AKNA: variants seen among roughly 807,000 people sequenced by gnomAD.
AKNA encodes AT-hook transcription factor.
A neutral mutation model predicts 138.8 loss-of-function variants in AKNA; 67 were observed. That is an observed-to-expected ratio of 0.48 (90% CI 0.40 to 0.59). The LOEUF is 0.59. AKNA is among the 20% of genes least tolerant of loss of function. The pLI is 0.00. For synonymous variants in AKNA, 737 were observed against 754.4 expected, an observed-to-expected ratio of 0.98 and a Z score of 0.38; for missense variants, 1,813 against 1,880.4, an observed-to-expected ratio of 0.96 and a Z score of 0.66.
At chr9:114,386,961 C>T (rs577614954) in intron 1 of AKNA, among the ~76,000 whole-genome samples, 1 of 152,154 alleles carries the variant, frequency 6.6e-6, no homozygotes, top group South Asian at 2.1e-4. Context: ...CCTGCTTCTA[C>T]CCCCACCCAC....
chr9:114,397,605 A>T (rs1458918997), upstream of AKNA, among the ~76,000 whole-genome samples: 3 of 152,102 alleles, frequency 2.0e-5, no homozygotes, highest in Non-Finnish European at 4.4e-5. Flanking sequence ...CCGGGAAAGG[A>T]GCTTTGGAAG....
chr9:114,375,361 T>C (rs2132038753), intron 3 of AKNA, among the ~76,000 whole-genome samples: 1 of 151,554 alleles, frequency 6.6e-6, no homozygotes, highest in South Asian at 2.1e-4. Flanking sequence ...AAAAAGTAAA[T>C]GCAAGAAAGA....
intron 15 of AKNA, chr9:114,348,922 G>A (rs1157468087): frequency 2.2e-6 from 1 of 456,302 alleles, no homozygotes; most frequent in Non-Finnish European, 4.4e-6. Flanking sequence ...AGTATCCCCT[G>A]GTGCCGCCTC....
At position 114,368,541 on chromosome 9, in the gene AKNA, C is replaced by T. The variant is rs1454030554; in HGVS notation, c.1471G>A (p.Val491Met). ...QPNHSIHTGM[V>M]PQGTKVLSFT... ...GACAAGACCTTGGTCCCCTGGGGCACCATTCCCGTGTGGATGCTGTGGTTG... is the reference window on the plus strand; with the variant it reads ...GACAAGACCTTGGTCCCCTGGGGCATCATTCCCGTGTGGATGCTGTGGTTG... The change falls in exon 5 of 22, where the codon GTG becomes ATG. Residue 491 changes from valine to methionine, a missense_variant. By Grantham distance (21) the Val-to-Met change is conservative (BLOSUM62 1). Coordinates refer to ENST00000374088, the MANE Select transcript of AKNA (RefSeq NM_001317950.2). 3.6e-6 allele frequency: 5 copies of T among 1,390,038 alleles called. No homozygotes were observed. Among genetic ancestry groups the T allele is most frequent in the Non-Finnish European group, 4.7e-6 (5 of 1,065,164 alleles). 86.1% of individuals were successfully genotyped at this position (1,390,038 alleles called of 1,614,324 possible). A position where few individuals can be genotyped will look rare whatever the true frequency, so the allele number is the denominator to read the frequency against.
At position 114,336,966 on chromosome 9, in the gene AKNA, T is replaced by G; in HGVS notation, c.*88A>C. The G allele has an allele frequency of 7.0e-7, 1 of 1,420,304 alleles. No homozygotes were observed. Among genetic ancestry groups the G allele is most frequent in the Non-Finnish European group, 9.3e-7 (1 of 1,080,498 alleles). The allele number at this position is 1,420,304 out of a possible 1,614,324, so 88.0% of individuals were successfully genotyped here. A position where few individuals can be genotyped will look rare whatever the true frequency, so the allele number is the denominator to read the frequency against. ...TCCTGGTGAGGAACTATGCGGGCCT[T>G]CTGGGCCTCAGCAGCTCCAGCCCAC... On this transcript the variant is annotated 3_prime_UTR_variant, in exon 22 of 22. Coordinates refer to ENST00000374088, the MANE Select transcript of AKNA (RefSeq NM_001317950.2).
rs371041163 is a variant in AKNA at position 114,377,446 on chromosome 9, T to A, written c.361A>T (p.Thr121Ser). Residue 121 changes from threonine to serine, a missense_variant, in exon 3 of 22, where the codon ACT (threonine) becomes TCT (serine). Coordinates refer to ENST00000374088, the MANE Select transcript of AKNA (RefSeq NM_001317950.2). ...LPQQGRQLDM[T>S]EEEPDGTLGS... is the part of the protein sequence containing the mutation. The stretch of plus-strand genomic sequence containing the variant: ...AGGGTCCCATCTGGCTCCTCTTCAG[T>A]CATGTCCAGCTGACGGCCCTGCTGG... The A allele has an allele frequency of 8.7e-6, 14 of 1,613,460 alleles. No individual in the cohort carries two copies. The African/African-American group carries it at 1.5e-4, about 17-fold the overall frequency.
intron 4 of AKNA, among the ~76,000 whole-genome samples, chr9:114,369,435 C>T (rs1477107206): frequency 1.3e-5 from 2 of 152,224 alleles, no homozygotes; most frequent in African/African-American, 4.8e-5. Context: ...CAAAGCCAAA[C>T]ATTGTCACAA....
intron 1 of AKNA, chr9:114,394,343 G>A (rs904700095): frequency 8.6e-5 from 13 of 151,986 alleles, no homozygotes; most frequent in Non-Finnish European, 1.8e-4. Context: ...CAAAACAAAC[G>A]AATACCACCT....
At chr9:114,387,827 C>A in intron 1 of AKNA, 33 bp downstream of exon 1, 1 of 430,826 alleles carries the variant, frequency 2.3e-6, no homozygotes, top group South Asian at 1.6e-5. Flanking sequence ...AGGAAAGCGG[C>A]CTCCCGGGCC....
intron 4 of AKNA, among the ~76,000 whole-genome samples, chr9:114,372,897 A>G (rs1832874902): frequency 7.1e-6 from 1 of 139,944 alleles, no homozygotes. Flanking sequence ...CCTCTTTTAC[A>G]GATGTGCCCG....
In AKNA at chr9:114,336,807, G is replaced by C. The variant is rs1394347139; in HGVS notation, c.*247C>G. Reference sequence around the variant, plus strand: ...CTGAGGTTCTGCCTGGACCGAAGGAGGCCTCGCTCACAGCACCTCTGTGAG... The same window carrying C: ...CTGAGGTTCTGCCTGGACCGAAGGACGCCTCGCTCACAGCACCTCTGTGAG... On this transcript the variant is annotated 3_prime_UTR_variant, in exon 22 of 22. Transcript: ENST00000374088. 1 of 427,416 alleles carries C rather than the reference G, an allele frequency of 2.3e-6. No homozygotes were observed. The highest frequency in any genetic ancestry group is 2.0e-5 in the African/African-American group (1 of 49,600). 26.5% of individuals were successfully genotyped at this position (427,416 alleles called of 1,614,324 possible). A position where few individuals can be genotyped will look rare whatever the true frequency, so the allele number is the denominator to read the frequency against.
chr9:114,391,470 T>C (rs1365276660), upstream of AKNA, among the ~76,000 whole-genome samples: 2 of 152,268 alleles, frequency 1.3e-5, no homozygotes, highest in Non-Finnish European at 2.9e-5. Context: ...TATTATTCCA[T>C]TGTATAGGTG....
chr9:114,352,736 C>T (rs1334441328), intron 14 of AKNA, among the ~76,000 whole-genome samples: 2 of 152,086 alleles, frequency 1.3e-5, no homozygotes, highest in African/African-American at 4.8e-5. Context: ...GCCTGACCAA[C>T]ATGGTGAAAC....
In AKNA at chr9:114,376,809, C is replaced by G; in HGVS notation, c.998G>C (p.Arg333Thr). The change falls in exon 3 of 22, where the codon AGA becomes ACA. Residue 333 changes from arginine (R) to threonine (T), a missense_variant. Coordinates refer to ENST00000374088, the MANE Select transcript of AKNA (RefSeq NM_001317950.2). ...RPTRQGRPLP[R>T]QGATLAGRSS... is the part of the protein sequence containing the mutation. ...GCGGCCAGCCAGAGTGGCTCCCTGT[C>G]TGGGCAGCGGCCTGCCCTGCCGCGT... The G allele has an allele frequency of 6.2e-7, 1 of 1,611,952 alleles. No individual in the cohort carries two copies. Among genetic ancestry groups the G allele is most frequent in the Non-Finnish European group, 8.5e-7 (1 of 1,178,824 alleles).
chr9:114,333,848 T>G (rs1829904064), downstream of AKNA, among the ~76,000 whole-genome samples: 1 of 150,808 alleles, frequency 6.6e-6, no homozygotes, highest in Admixed American at 6.6e-5. Context: ...TTTGGCTCTG[T>G]GTCCCCACCC....
chr9:114,373,552 C>T (rs531834344), intron 4 of AKNA, among the ~76,000 whole-genome samples: 14 of 152,206 alleles, frequency 9.2e-5, no homozygotes, highest in African/African-American at 2.6e-4. Flanking sequence ...GGTGGTCTTA[C>T]TCCAGAACCC....
chr9:114,344,025 G>C (rs1331969361), intron 18 of AKNA: 2 of 475,088 alleles, frequency 4.2e-6, no homozygotes, highest in Non-Finnish European at 7.5e-6. Context: ...GAACATCTTT[G>C]TGTCTGTTTA....
chr9:114,358,316 G>T (rs1831659798), intron 11 of AKNA, 149 bp from the exon 12 acceptor site: 4 of 1,083,734 alleles, frequency 3.7e-6, no homozygotes, highest in African/African-American at 3.2e-5. Context: ...CCTTCTAGCT[G>T]TGTGACCTAG....
At chr9:114,347,941 G>A (rs1392702527) in intron 15 of AKNA, 41 bp from the exon 16 acceptor site, 1 of 1,542,164 alleles carries the variant, frequency 6.5e-7, no homozygotes, top group Non-Finnish European at 8.7e-7. Flanking sequence ...ACAGAGGCAT[G>A]AGGAACAGAG....
Sources: gnomAD v4.1 joint callset for allele counts (sites outside exome capture counted in the v4.1 genomes callset) on GRCh38, gnomAD v4.1.1 for gene constraint, MANE v1.5 for transcripts, NCBI Gene and HGNC (gene_info 2026-07-23, HGNC 2026-07-21) for gene names.